The following ANO1 variants were observed in gnomAD, a reference collection of about 807,000 sequenced individuals.
ANO1 encodes the protein anoctamin-1.
A neutral mutation model predicts 124.0 loss-of-function variants in ANO1; 59 were observed. That is an observed-to-expected ratio of 0.48 (90% CI 0.39 to 0.59). The LOEUF is 0.59. Among genes scored for constraint, ANO1 ranks in the 20% least tolerant of loss-of-function variants. The pLI, the probability that ANO1 is intolerant of heterozygous loss-of-function variation, is 0.00. For missense variants in ANO1, 1,059 were observed against 1,328.0 expected (o/e 0.80, Z 3.15); for synonymous variants, 529 against 532.0 (o/e 0.99, Z 0.08).
intron 10 of ANO1, among the ~76,000 whole-genome samples, chr11:70,130,709 A>G (rs958994770): frequency 5.3e-5 from 8 of 152,216 alleles, no homozygotes; most frequent in African/African-American, 1.9e-4. Flanking sequence ...ATCTGGCCCC[A>G]GGCTCACCTG....
intron 1 of ANO1, among the ~76,000 whole-genome samples, chr11:70,031,714 GGCTGTCACTGCC>G (rs1437395445): frequency 3.9e-5 from 6 of 152,182 alleles, no homozygotes; most frequent in Admixed American, 1.3e-4. Flanking sequence ...GAGGCGCAGT[GGCTGTCACTGCC>G]GCTGTCACTA....
intron 11 of ANO1, chr11:70,149,466 C>T (rs984238783): frequency 1.1e-4 from 48 of 450,838 alleles, no homozygotes; most frequent in African/African-American, 9.4e-4. Flanking sequence ...GCCTGGCCAA[C>T]ATGGTGAAAC....
chr11:70,101,424 T>C lies in ANO1; in HGVS notation c.442-1642T>C, dbSNP rs558052419. Among the ~76,000 whole-genome samples the C allele has an allele frequency of 4.0e-5, 6 of 151,578 alleles. No homozygotes were observed. In the East Asian group the frequency reaches 5.8e-4, roughly 15 times the overall value. ...TACAGAAATTAGCTAGGCGTGGTGG[T>C]GCATGCCTGTAATCCCAGCTACTCA... On this transcript the variant is annotated intron_variant, in intron 2 of 25. Transcript: ENST00000355303.
intron 16 of ANO1, among the ~76,000 whole-genome samples, chr11:70,157,945 A>G (rs2047882871): frequency 7.1e-6 from 1 of 141,620 alleles, no homozygotes; most frequent in Non-Finnish European, 1.5e-5. Flanking sequence ...ACGCCACTGC[A>G]CTCCAGTATG....
At position 70,130,505 on chromosome 11, in the gene ANO1, A is replaced by G. The variant is rs145077836; in HGVS notation, c.1098-1414A>G. Among the ~76,000 whole-genome samples the G allele has an allele frequency of 2.9e-3, 436 of 152,340 alleles. 5 individuals carry two copies. Among genetic ancestry groups the G allele is most frequent in the African/African-American group, 0.01 (418 of 41,582 alleles). On this transcript the variant is annotated intron_variant, in intron 10 of 25. Transcript: ENST00000355303. ...CCCCTCTCTGGGCTCTGGGATTGCA[A>G]CAGTCCCCAGTGCTGGTCCAAGTGA...
chr11:70,175,260 C>T (rs117242873), intron 22 of ANO1, among the ~76,000 whole-genome samples: 12 of 152,386 alleles, frequency 7.9e-5, no homozygotes, highest in African/African-American at 2.2e-4. Context: ...TCAGTTCTTA[C>T]GGATCAGCTA....
rs2044847184 is a variant in ANO1 at position 70,095,326 on chromosome 11, AAAGAAAG to A, written c.441+7243_441+7249del. ...AAAGAAAGAAAGAAAGAAAGGAAAG[AAAGAAAG>A]GAAAGAGAAAGAAAAAGAAAGAAAG... is the stretch of plus-strand genomic sequence containing the variant. On this transcript the variant is annotated intron_variant, in intron 2 of 25. Coordinates refer to ENST00000355303, the MANE Select transcript of ANO1 (RefSeq NM_018043.7). 4.9e-5 allele frequency among the ~76,000 whole-genome samples: 7 copies of A among 141,860 alleles called. 1 individual carries two copies. The highest frequency in any genetic ancestry group is 1.1e-4 in the Non-Finnish European group (7 of 64,558). 93.1% of individuals were successfully genotyped at this position (141,860 alleles called of 152,430 possible).
At chr11:69,994,108 C>CG (rs1318899996) in intron 1 of ANO1, among the ~76,000 whole-genome samples, 1 of 151,358 alleles carries the variant, frequency 6.6e-6, no homozygotes, top group Non-Finnish European at 1.5e-5. Context: ...CGTTAACCCC[C>CG]CCCCACAGTC....
rs1206843941 is a variant in ANO1, at chr11:70,180,920, G to A, written c.2403+864G>A. On this transcript the variant is annotated intron_variant, in intron 23 of 25. Coordinates refer to ENST00000355303, the MANE Select transcript of ANO1 (RefSeq NM_018043.7). ...AAGGATCAGGGCTCCAGGCCCCTCA[G>A]CCTCCTCCCCAGCATGGCAGCCCCT... 1.3e-5 allele frequency among the ~76,000 whole-genome samples: 2 copies of A among 152,174 alleles called. 1 individual carries two copies. The highest frequency in any genetic ancestry group is 4.8e-5 in the African/African-American group (2 of 41,438).
At chr11:70,176,343 C>T (rs544899890) in intron 22 of ANO1, among the ~76,000 whole-genome samples, 54 of 152,156 alleles carry the variant, frequency 3.5e-4, no homozygotes, top group Non-Finnish European at 7.4e-4. Context: ...TACAAGGTTT[C>T]ACCATGTTGG....
chr11:70,171,513 G>A (rs2048472230), intron 22 of ANO1, among the ~76,000 whole-genome samples: 1 of 152,218 alleles, frequency 6.6e-6, no homozygotes, highest in Non-Finnish European at 1.5e-5. Context: ...GCCCCCATCT[G>A]TAGACAGGGA....
At chr11:69,984,461 A>T (rs542733660), upstream of ANO1, among the ~76,000 whole-genome samples, 4 of 112,046 alleles carry the variant, frequency 3.6e-5, no homozygotes, top group Admixed American at 4.8e-4. Flanking sequence ...TTCAGACTCA[A>T]TGCGAGGAAG....
chr11:70,004,157 C>A (rs1856439741), intron 1 of ANO1, among the ~76,000 whole-genome samples: 1 of 152,190 alleles, frequency 6.6e-6, no homozygotes. Context: ...ACCCTGCACC[C>A]CACCTGACTT....
chr11:70,135,611 C>G (rs991583721), intron 11 of ANO1, among the ~76,000 whole-genome samples: 1 of 152,192 alleles, frequency 6.6e-6, no homozygotes, highest in East Asian at 1.9e-4. Flanking sequence ...ACTCTCCAAA[C>G]GTCCAGTAAT....
At chr11:69,989,008 G>A (rs574256070) in intron 1 of ANO1, among the ~76,000 whole-genome samples, 3 of 152,050 alleles carry the variant, frequency 2.0e-5, no homozygotes, top group Admixed American at 1.3e-4. Context: ...AGGGAGGGAC[G>A]GAGGGAGGGA....
In ANO1 at chr11:70,189,323, T is replaced by C. The variant is rs1029355172; in HGVS notation, c.*1319T>C. ...GTTCATAGGTGTCGTACATTTCCAT[T>C]ATTTGCTAAAATCATGCAATCTGAT... is the stretch of plus-strand genomic sequence containing the variant. On this transcript the variant is annotated 3_prime_UTR_variant, in exon 26 of 26. Transcript: ENST00000355303. 6.6e-6 allele frequency: 1 copy of C among 152,660 alleles called. No individual in the cohort carries two copies. The highest frequency in any genetic ancestry group is 1.5e-5 in the Non-Finnish European group (1 of 68,044). The allele number at this position is 152,660 out of a possible 1,614,324, so 9.5% of individuals were successfully genotyped here. A position where few individuals can be genotyped will look rare whatever the true frequency, so the allele number is the denominator to read the frequency against.
intron 1 of ANO1, among the ~76,000 whole-genome samples, chr11:70,032,674 T>C (rs2135034182): frequency 6.6e-6 from 1 of 152,244 alleles, no homozygotes; most frequent in Non-Finnish European, 1.5e-5. Flanking sequence ...TCTGCCCATC[T>C]GGAAGAAGGA....
At chr11:70,059,660 T>C (rs904657085) in intron 1 of ANO1, among the ~76,000 whole-genome samples, 1 of 151,940 alleles carries the variant, frequency 6.6e-6, no homozygotes, top group Non-Finnish European at 1.5e-5. Context: ...AGGCAGAACA[T>C]TGAGAGGTGA....
At chr11:70,080,990 C>T (rs1255594314) in intron 1 of ANO1, among the ~76,000 whole-genome samples, 1 of 152,236 alleles carries the variant, frequency 6.6e-6, no homozygotes, top group Non-Finnish European at 1.5e-5. Flanking sequence ...GCTCTGTACA[C>T]ACGAGGGCCA....
Sources: gnomAD v4.1 joint callset for allele counts (sites outside exome capture counted in the v4.1 genomes callset) on GRCh38, gnomAD v4.1.1 for gene constraint, MANE v1.5 for transcripts, NCBI Gene and HGNC (gene_info 2026-07-23, HGNC 2026-07-21) for gene names.